The following XKR4 variants were observed in gnomAD, a reference collection of about 807,000 sequenced individuals.
XKR4 encodes XK related 4, also known as XK-related protein 4.
Under a neutral mutation model 53.9 loss-of-function variants are expected in XKR4, and 12 were observed. The ratio of observed to expected loss-of-function variants is 0.22; its 90% confidence interval spans 0.14 to 0.36. The LOEUF is 0.36. Ranked by LOEUF, XKR4 falls within the 10% of genes least tolerant of loss-of-function variation. The probability of loss-of-function intolerance (pLI) is 1.00; values close to 1 mark genes in which losing one functional copy is unlikely to be tolerated. For synonymous variants in XKR4, 354 were observed against 362.4 expected (o/e 0.98, Z 0.26); for missense variants, 799 against 859.5 (o/e 0.93, Z 0.88).
At chr8:55,218,403 T>A (rs1817833353) in intron 1 of XKR4, among the ~76,000 whole-genome samples, 1 of 152,212 alleles carries the variant, frequency 6.6e-6, no homozygotes, top group Admixed American at 6.5e-5. Flanking sequence ...GGCTAAATGC[T>A]CTAAAATTTA....
At chr8:55,256,712 CA>C (rs1818443351) in intron 1 of XKR4, among the ~76,000 whole-genome samples, 1 of 152,100 alleles carries the variant, frequency 6.6e-6, no homozygotes, top group African/African-American at 2.4e-5. Flanking sequence ...GCTGAAACCT[CA>C]AAGGTAAGAT....
intron 1 of XKR4, among the ~76,000 whole-genome samples, chr8:55,244,390 C>T (rs767261322): frequency 3.3e-5 from 5 of 152,214 alleles, no homozygotes; most frequent in African/African-American, 4.8e-5. Context: ...CTGCATAGGA[C>T]ATGATCACAT....
chr8:55,388,964 G>A (rs1431007630), intron 2 of XKR4, among the ~76,000 whole-genome samples: 1 of 152,186 alleles, frequency 6.6e-6, no homozygotes, highest in Non-Finnish European at 1.5e-5. Context: ...TTCACAAATA[G>A]GTTCCTTGCA....
In XKR4 at chr8:55,454,966, A is replaced by G. The variant is rs993661224; in HGVS notation, c.1007-68315A>G. 41 of 859,036 alleles carry G rather than the reference A, an allele frequency of 4.8e-5. No individual in the cohort carries two copies. In the African/African-American group the frequency reaches 6.4e-4, roughly 13 times the overall value. The allele number at this position is 859,036 out of a possible 1,614,324, so 53.2% of individuals were successfully genotyped here. On this transcript the variant is annotated intron_variant, in intron 2 of 2. Coordinates refer to ENST00000327381, the MANE Select transcript of XKR4 (RefSeq NM_052898.2). Reference sequence around the variant, plus strand: ...GGACAGCAACAAAGAAGGTCGGTGGATTCCTCTCGGGACACATCTGCCACC... The same window carrying G: ...GGACAGCAACAAAGAAGGTCGGTGGGTTCCTCTCGGGACACATCTGCCACC...
At chr8:55,458,536 G>T (rs1222890610) in intron 2 of XKR4, among the ~76,000 whole-genome samples, 1 of 152,256 alleles carries the variant, frequency 6.6e-6, no homozygotes, top group Non-Finnish European at 1.5e-5. Flanking sequence ...ACCTTGTCCA[G>T]CATCCAGGAG....
At chr8:55,247,029 A>G (rs4425733) in intron 1 of XKR4, among the ~76,000 whole-genome samples, 119,545 of 152,186 alleles carry the variant, frequency 0.79, 49,213 homozygotes, top group Non-Finnish European at 0.92. Context: ...AAAGGGAAAG[A>G]CAAGTGTACT....
chr8:55,341,928 G>A (rs943183428), intron 1 of XKR4, among the ~76,000 whole-genome samples: 3 of 152,028 alleles, frequency 2.0e-5, no homozygotes, highest in Non-Finnish European at 2.9e-5. Context: ...CTGTAAGTGA[G>A]GGCAGTCTCA....
At chr8:55,274,977 T>C (rs1353126593) in intron 1 of XKR4, among the ~76,000 whole-genome samples, 1 of 152,174 alleles carries the variant, frequency 6.6e-6, no homozygotes, top group African/African-American at 2.4e-5. Context: ...GAAACTAATC[T>C]GGGATTACAT....
chr8:55,464,156 T>A (rs1450979000), intron 2 of XKR4, among the ~76,000 whole-genome samples: 2 of 152,150 alleles, frequency 1.3e-5, no homozygotes, highest in Admixed American at 1.3e-4. Context: ...TACCAAAGCC[T>A]GGCAGAGACA....
At chr8:55,201,633 C>T (rs1454441964) in intron 1 of XKR4, among the ~76,000 whole-genome samples, 1 of 152,150 alleles carries the variant, frequency 6.6e-6, no homozygotes, top group Non-Finnish European at 1.5e-5. Flanking sequence ...AAATTTGTGA[C>T]TTAAGTGGGG....
At chr8:55,460,179 T>C (rs1217627926) in intron 2 of XKR4, among the ~76,000 whole-genome samples, 1 of 152,192 alleles carries the variant, frequency 6.6e-6, no homozygotes, top group Non-Finnish European at 1.5e-5. Flanking sequence ...ACGCAAAGAC[T>C]ACCTATTGTA....
At chr8:55,232,455 T>C (rs1818055588) in intron 1 of XKR4, among the ~76,000 whole-genome samples, 1 of 152,194 alleles carries the variant, frequency 6.6e-6, no homozygotes, top group South Asian at 2.1e-4. Context: ...CTATAATCAT[T>C]TTGAAACTTT....
At chr8:55,358,481 A>C (rs187656249) in intron 2 of XKR4, among the ~76,000 whole-genome samples, 15 of 152,356 alleles carry the variant, frequency 9.8e-5, no homozygotes, top group Admixed American at 5.2e-4. Flanking sequence ...TATCAGATTA[A>C]TATCTTTGTG....
At chr8:55,158,704 A>G (rs966826697) in intron 1 of XKR4, among the ~76,000 whole-genome samples, 3 of 152,178 alleles carry the variant, frequency 2.0e-5, no homozygotes, top group South Asian at 4.1e-4. Flanking sequence ...TTCCGTTTCA[A>G]TCTTCGGCAT....
At chr8:55,471,974 T>A (rs769253848) in intron 2 of XKR4, among the ~76,000 whole-genome samples, 1 of 152,122 alleles carries the variant, frequency 6.6e-6, no homozygotes, top group Non-Finnish European at 1.5e-5. Context: ...TATTTCTTGA[T>A]AGCAATGAGA....
At chr8:55,439,026 A>G (rs972648543) in intron 2 of XKR4, among the ~76,000 whole-genome samples, 1 of 152,184 alleles carries the variant, frequency 6.6e-6, no homozygotes, top group Admixed American at 6.5e-5. Context: ...TGAAGGAAAC[A>G]GTCTTGCATA....
chr8:55,248,189 T>C (rs182103787), intron 1 of XKR4, among the ~76,000 whole-genome samples: 5 of 152,256 alleles, frequency 3.3e-5, no homozygotes, highest in African/African-American at 7.2e-5. Context: ...AAAGATCCAA[T>C]GGAGAGAGGC....
chr8:55,376,875 CCT>C (rs144607620), intron 2 of XKR4, among the ~76,000 whole-genome samples: 273 of 146,454 alleles, frequency 1.9e-3, no homozygotes, highest in Admixed American at 1.8e-3. Flanking sequence ...CATCTCTCAC[CCT>C]CTCTCTCTCT....
intron 1 of XKR4, among the ~76,000 whole-genome samples, chr8:55,146,002 TGATTGG>T (rs1461797063): frequency 1.3e-5 from 2 of 152,234 alleles, no homozygotes; most frequent in Non-Finnish European, 2.9e-5. Context: ...TTATGTTTAT[TGATTGG>T]GTGAGATGTG....
Sources: allele counts gnomAD v4.1 joint callset (sites outside exome capture counted in the v4.1 genomes callset), GRCh38; gene constraint gnomAD v4.1.1; transcripts MANE v1.5; gene names NCBI Gene and HGNC (gene_info 2026-07-23, HGNC 2026-07-21).